ADAM22: variants seen among roughly 807,000 people sequenced by gnomAD.
The protein encoded by ADAM22 is disintegrin and metalloproteinase domain-containing protein 22.
ADAM22 carries 65 observed loss-of-function variants against 144.6 expected under a neutral mutation model. That is an observed-to-expected ratio of 0.45 (90% confidence interval 0.37 to 0.55). ADAM22 has a LOEUF of 0.55. ADAM22 is among the 20% of genes least tolerant of loss of function. The probability of loss-of-function intolerance (pLI) is 0.00; values close to 1 mark genes in which losing one functional copy is unlikely to be tolerated. For missense variants in ADAM22, 974 were observed against 1,184.9 expected (o/e 0.82, Z 2.61); for synonymous variants, 391 against 412.6 (o/e 0.95, Z 0.63).
At chr7:88,116,849 G>T in intron 7 of ADAM22, 35 bp downstream of exon 7, 4 of 1,455,758 alleles carry the variant, frequency 2.7e-6, no homozygotes, top group Non-Finnish European at 1.9e-6. Flanking sequence ...TTATCTAAAA[G>T]ACAACTTCAG....
chr7:88,041,354 T>A (rs748124828), intron 3 of ADAM22, among the ~76,000 whole-genome samples: 1 of 151,956 alleles, frequency 6.6e-6, no homozygotes, highest in Non-Finnish European at 1.5e-5. Flanking sequence ...TTAAAATAGT[T>A]ATACTAACAT....
intron 22 of ADAM22, among the ~76,000 whole-genome samples, chr7:88,158,239 C>A (rs573245620): frequency 1.3e-5 from 2 of 152,204 alleles, no homozygotes; most frequent in South Asian, 4.1e-4. Context: ...ACAGGAGCAC[C>A]CAGCTTCATC....
rs139757494 is a variant in ADAM22 at position 88,188,008 on chromosome 7, C to T, written c.2750+1307C>T. 3.4e-4 allele frequency among the ~76,000 whole-genome samples: 52 copies of T among 151,968 alleles called. No individual in the cohort carries two copies. The East Asian group carries it at 7.4e-3, about 22-fold the overall frequency. On this transcript the variant is annotated intron_variant, in intron 30 of 31. Coordinates refer to ENST00000413139, the MANE Select transcript of ADAM22 (RefSeq NM_001324418.2). ...CATACACTCACATTCAAACATCCCA[C>T]CCTCATCTGTAGCTCCCAAGATGGC...
intron 3 of ADAM22, among the ~76,000 whole-genome samples, chr7:87,978,828 T>C (rs1852543117): frequency 6.6e-6 from 1 of 152,238 alleles, no homozygotes; most frequent in African/African-American, 2.4e-5. Flanking sequence ...TGTTAAATAG[T>C]ACCTGGTGTT....
At chr7:88,039,464 A>AAAAAAAAAAAAAAAAATATATATATAT in intron 3 of ADAM22, among the ~76,000 whole-genome samples, 8 of 76,394 alleles carry the variant, frequency 1.0e-4, no homozygotes, top group East Asian at 5.3e-4. Flanking sequence ...AAAAAAAAAA[A>AAAAAAAAAAAAAAAAATATATATATAT]ATATATATAT....
intron 8 of ADAM22, among the ~76,000 whole-genome samples, chr7:88,126,836 C>T (rs539540968): frequency 1.3e-5 from 2 of 151,832 alleles, no homozygotes; most frequent in African/African-American, 4.8e-5. Context: ...ATGAGAGATA[C>T]TTAACCTATA....
At chr7:87,956,637 T>C (rs1846839289) in intron 2 of ADAM22, among the ~76,000 whole-genome samples, 1 of 152,188 alleles carries the variant, frequency 6.6e-6, no homozygotes, top group African/African-American at 2.4e-5. Flanking sequence ...CACCCACTGA[T>C]CTACTTTCTG....
chr7:88,162,981 G>C (rs1184052305), intron 22 of ADAM22, 31 bp from the exon 23 acceptor site: 1 of 1,597,850 alleles, frequency 6.3e-7, no homozygotes, highest in Admixed American at 1.8e-5. Context: ...TGAATTAATA[G>C]ATTCATTTTT....
chr7:87,973,606 A>T (rs1291415507), intron 2 of ADAM22, among the ~76,000 whole-genome samples: 1 of 152,226 alleles, frequency 6.6e-6, no homozygotes, highest in Non-Finnish European at 1.5e-5. Flanking sequence ...CCAAAGGATT[A>T]TAAATCGTGC....
At chr7:88,139,084 G>A (rs752455224) in intron 14 of ADAM22, among the ~76,000 whole-genome samples, 3 of 152,114 alleles carry the variant, frequency 2.0e-5, no homozygotes, top group Non-Finnish European at 4.4e-5. Context: ...TTTTACTTTG[G>A]CAGTATGGAT....
chr7:88,143,897 A>T (rs749349442), intron 15 of ADAM22, among the ~76,000 whole-genome samples: 1 of 152,262 alleles, frequency 6.6e-6, no homozygotes, highest in African/African-American at 2.4e-5. Context: ...AGACTCTTCG[A>T]AAGATTGGAA....
At chr7:88,098,849 A>G (rs1822156011) in intron 4 of ADAM22, among the ~76,000 whole-genome samples, 1 of 152,018 alleles carries the variant, frequency 6.6e-6, no homozygotes, top group African/African-American at 2.4e-5. Context: ...TAAGTCCATA[A>G]TATGCCTAAT....
At chr7:88,052,448 G>A (rs903388827) in intron 3 of ADAM22, among the ~76,000 whole-genome samples, 1 of 151,778 alleles carries the variant, frequency 6.6e-6, no homozygotes, top group African/African-American at 2.4e-5. Context: ...TGCAGTCAGC[G>A]GAGATCACGC....
intron 3 of ADAM22, among the ~76,000 whole-genome samples, chr7:88,019,197 G>T (rs910313034): frequency 6.6e-6 from 1 of 152,162 alleles, no homozygotes; most frequent in Non-Finnish European, 1.5e-5. Context: ...TGCTAGGCCA[G>T]GTGTCATGGC....
chr7:88,193,702 G>A (rs988382744), intron 31 of ADAM22, among the ~76,000 whole-genome samples: 2 of 152,190 alleles, frequency 1.3e-5, no homozygotes, highest in Admixed American at 6.5e-5. Context: ...AGGCTCTGTT[G>A]TGGTCATTTA....
At chr7:88,009,117 G>A (rs533315374) in intron 3 of ADAM22, among the ~76,000 whole-genome samples, 1 of 152,052 alleles carries the variant, frequency 6.6e-6, no homozygotes, top group Non-Finnish European at 1.5e-5. Context: ...TCATAGTGCA[G>A]TCTAAGATTT....
At chr7:88,183,527 C>T (rs1847601477) in intron 29 of ADAM22, among the ~76,000 whole-genome samples, 1 of 151,990 alleles carries the variant, frequency 6.6e-6, no homozygotes, top group South Asian at 2.1e-4. Flanking sequence ...AGAGCAGTTA[C>T]TTATTTTTTT....
At chr7:88,097,680 T>A (rs1225281804) in intron 4 of ADAM22, among the ~76,000 whole-genome samples, 1 of 151,620 alleles carries the variant, frequency 6.6e-6, no homozygotes, top group Non-Finnish European at 1.5e-5. Context: ...AAAAGAAAAT[T>A]CCTCCTGTAT....
At chr7:88,111,903 T>G (rs1826149452) in intron 5 of ADAM22, among the ~76,000 whole-genome samples, 1 of 152,200 alleles carries the variant, frequency 6.6e-6, no homozygotes, top group African/African-American at 2.4e-5. Context: ...ATTGCCTACA[T>G]GATGTTTAAG....
Sources: allele counts gnomAD v4.1 joint callset (sites outside exome capture counted in the v4.1 genomes callset), GRCh38; gene constraint gnomAD v4.1.1; transcripts MANE v1.5; gene names NCBI Gene and HGNC (gene_info 2026-07-23, HGNC 2026-07-21).